The following RASGRF2 variants were observed in gnomAD, a reference collection of about 807,000 sequenced individuals.
The protein encoded by RASGRF2 is ras-specific guanine nucleotide-releasing factor 2.
In RASGRF2, 76 loss-of-function variants were observed where a neutral mutation model predicts 151.0. The observed-to-expected ratio is 0.50, with a 90% CI of 0.42 to 0.61. The LOEUF is 0.61. Among genes scored for constraint, RASGRF2 ranks in the 20% least tolerant of loss-of-function variants. The pLI, the probability that RASGRF2 is intolerant of heterozygous loss-of-function variation, is 0.00. For synonymous variants in RASGRF2, 504 were observed against 566.5 expected (o/e 0.89, Z 1.57); for missense variants, 1,148 against 1,564.6 (o/e 0.73, Z 4.49).
chr5:81,143,334 G>C (rs528160818), intron 17 of RASGRF2, among the ~76,000 whole-genome samples: 65 of 151,666 alleles, frequency 4.3e-4, no homozygotes, highest in Non-Finnish European at 8.2e-4. Context: ...TTTTAGTAGA[G>C]ATGGGGTTAC....
rs1294190522 is a variant in RASGRF2, at chr5:81,113,935, A to C, written c.2470+15A>C. The C allele has an allele frequency of 5.0e-6, 8 of 1,599,260 alleles. No homozygotes were observed. The highest frequency in any genetic ancestry group is 6.8e-6 in the Non-Finnish European group (8 of 1,170,980). Reference sequence around the variant, plus strand: ...TATTCAAAAAGGTATTATCTAGCACATTTGCATAATTACACCCCACATTTG... The same window carrying C: ...TATTCAAAAAGGTATTATCTAGCACCTTTGCATAATTACACCCCACATTTG... On this transcript the variant is annotated intron_variant, in intron 15 of 26. Transcript: ENST00000265080.
intron 17 of RASGRF2, among the ~76,000 whole-genome samples, chr5:81,177,047 C>T (rs1477429286): frequency 6.6e-6 from 1 of 152,134 alleles, no homozygotes; most frequent in Non-Finnish European, 1.5e-5. Flanking sequence ...GGCTTCTTCT[C>T]CTGAACCATG....
At chr5:81,025,353 C>T (rs538495644) in intron 1 of RASGRF2, among the ~76,000 whole-genome samples, 129 of 152,306 alleles carry the variant, frequency 8.5e-4, no homozygotes, top group African/African-American at 2.9e-3. Context: ...ACATCAACTT[C>T]GGAGGACACA....
chr5:81,127,018 A>G, intron 16 of RASGRF2, 56 bp from the exon 17 acceptor site: 1 of 1,559,820 alleles, frequency 6.4e-7, no homozygotes, highest in African/African-American at 1.4e-5. Context: ...GATTTTTGTT[A>G]CAGAATATTA....
At chr5:81,057,661 G>T (rs1751269223) in intron 2 of RASGRF2, among the ~76,000 whole-genome samples, 1 of 152,034 alleles carries the variant, frequency 6.6e-6, no homozygotes, top group Non-Finnish European at 1.5e-5. Context: ...ATATTAATCA[G>T]CTTAAACATT....
At position 81,194,531 on chromosome 5, in the gene RASGRF2, TA is replaced by T. The variant is rs1164343718; in HGVS notation, c.2794-6798del. On this transcript the variant is annotated intron_variant, in intron 18 of 26. Coordinates refer to ENST00000265080, the MANE Select transcript of RASGRF2 (RefSeq NM_006909.3). ...TAGAGTCAATACAATTTTGGTAAAATAGACTCATCTCACAATAGCATCTCTC... is the reference window on the plus strand; with the variant it reads ...TAGAGTCAATACAATTTTGGTAAAATGACTCATCTCACAATAGCATCTCTC... Among the ~76,000 whole-genome samples the T allele has an allele frequency of 3.3e-5, 5 of 152,210 alleles. No homozygotes were observed. The East Asian group carries it at 9.6e-4, about 29-fold the overall frequency.
chr5:81,188,490 G>T (rs1386898860), intron 18 of RASGRF2, among the ~76,000 whole-genome samples: 1 of 152,254 alleles, frequency 6.6e-6, no homozygotes, highest in East Asian at 1.9e-4. Flanking sequence ...TTTGGTATCG[G>T]TTTAGTTATG....
intron 1 of RASGRF2, among the ~76,000 whole-genome samples, chr5:80,982,499 T>C (rs866375400): frequency 6.6e-6 from 1 of 151,644 alleles, no homozygotes; most frequent in South Asian, 2.1e-4. Flanking sequence ...TAGGTTCAAG[T>C]TGGTAATAAT....
chr5:81,114,884 A>ATATACAGTG (rs1486583837), intron 15 of RASGRF2: 2 of 152,286 alleles, frequency 1.3e-5, no homozygotes, highest in African/African-American at 2.4e-5. Context: ...ATGAAATAAA[A>ATATACAGTG]TATACAGTGA....
At chr5:81,188,108 G>T (rs895673928) in intron 18 of RASGRF2, among the ~76,000 whole-genome samples, 15 of 152,130 alleles carry the variant, frequency 9.9e-5, no homozygotes, top group African/African-American at 3.6e-4. Context: ...TCTCCTGACG[G>T]CTCCTGGCCT....
chr5:81,098,498 G>A (rs1752608351), intron 12 of RASGRF2, among the ~76,000 whole-genome samples: 1 of 152,156 alleles, frequency 6.6e-6, no homozygotes, highest in African/African-American at 2.4e-5. Context: ...GTCAAGTCAG[G>A]GAGAATAGTG....
chr5:80,991,385 A>C (rs540404592), intron 1 of RASGRF2, among the ~76,000 whole-genome samples: 17 of 152,260 alleles, frequency 1.1e-4, no homozygotes, highest in South Asian at 8.3e-4. Flanking sequence ...AGATGGTGCC[A>C]CTGCACTCCA....
At chr5:81,187,793 T>C (rs571269561) in intron 18 of RASGRF2, among the ~76,000 whole-genome samples, 266 of 152,296 alleles carry the variant, frequency 1.7e-3, no homozygotes, top group Non-Finnish European at 3.4e-3. Flanking sequence ...AGAATGTGAG[T>C]GGACATAGTT....
intron 17 of RASGRF2, among the ~76,000 whole-genome samples, chr5:81,152,519 C>G (rs1357590063): frequency 6.6e-6 from 1 of 151,792 alleles, no homozygotes; most frequent in African/African-American, 2.4e-5. Flanking sequence ...TACTCCCTTC[C>G]TACCACAAAG....
At chr5:81,063,650 A>T (rs1751508816) in intron 2 of RASGRF2, among the ~76,000 whole-genome samples, 1 of 152,038 alleles carries the variant, frequency 6.6e-6, no homozygotes, top group Non-Finnish European at 1.5e-5. Context: ...TAGGTTACTC[A>T]GTTTTCCTTT....
intron 17 of RASGRF2, among the ~76,000 whole-genome samples, chr5:81,152,603 G>A (rs1018274307): frequency 6.6e-6 from 1 of 152,146 alleles, no homozygotes; most frequent in Admixed American, 6.5e-5. Context: ...AACATTTTAT[G>A]TGCTTAAAAT....
chr5:81,148,840 TAAAATAAG>T (rs1403475984), intron 17 of RASGRF2, among the ~76,000 whole-genome samples: 7 of 147,870 alleles, frequency 4.7e-5, no homozygotes, highest in Non-Finnish European at 1.1e-4. Flanking sequence ...TAAAATAAAA[TAAAATAAG>T]AAGAAGATAT....
At chr5:80,996,512 TCCTCCTCCCC>T in intron 1 of RASGRF2, among the ~76,000 whole-genome samples, 1 of 64,842 alleles carries the variant, frequency 1.5e-5, no homozygotes, top group Non-Finnish European at 3.0e-5. Flanking sequence ...TTCCTCCTCC[TCCTCCTCCCC>T]CTCCTCCTCC....
intron 17 of RASGRF2, among the ~76,000 whole-genome samples, chr5:81,128,486 CTT>C (rs1258812873): frequency 1.3e-5 from 2 of 152,200 alleles, no homozygotes; most frequent in South Asian, 2.1e-4. Flanking sequence ...CTGAGAAACT[CTT>C]TATCAGAGAA....
Sources: allele counts gnomAD v4.1 joint callset (sites outside exome capture counted in the v4.1 genomes callset), GRCh38; gene constraint gnomAD v4.1.1; transcripts MANE v1.5; gene names NCBI Gene and HGNC (gene_info 2026-07-23, HGNC 2026-07-21).